The following SCFD2 variants were observed in gnomAD, a reference collection of about 807,000 sequenced individuals.
The protein encoded by SCFD2 is sec1 family domain-containing protein 2.
In SCFD2, 54 loss-of-function variants were observed where a neutral mutation model predicts 58.9. That is an observed-to-expected ratio of 0.92 (90% CI 0.74 to 1.15). The LOEUF (loss-of-function observed/expected upper bound fraction) is 1.15. Among genes scored for constraint, SCFD2 ranks in the 50% most tolerant of loss-of-function variants. The pLI, the probability that SCFD2 is intolerant of heterozygous loss-of-function variation, is 0.00. For missense variants in SCFD2, 805 were observed against 836.6 expected (o/e 0.96, Z 0.47); for synonymous variants, 321 against 335.9 (o/e 0.96, Z 0.49).
At chr4:52,901,019 C>T (rs920107337) in intron 7 of SCFD2, among the ~76,000 whole-genome samples, 1 of 152,154 alleles carries the variant, frequency 6.6e-6, no homozygotes, top group Non-Finnish European at 1.5e-5. Flanking sequence ...GGGAGTGACC[C>T]GATTTTCCAG....
chr4:53,151,024 C>G (rs1487563687), intron 4 of SCFD2, among the ~76,000 whole-genome samples: 1 of 152,154 alleles, frequency 6.6e-6, no homozygotes, highest in Admixed American at 6.5e-5. Context: ...ACTACCACGA[C>G]TCCCACCTGC....
intron 5 of SCFD2, among the ~76,000 whole-genome samples, chr4:53,065,969 G>C (rs925289108): frequency 3.3e-5 from 5 of 152,054 alleles, no homozygotes; most frequent in African/African-American, 1.2e-4. Flanking sequence ...TCACTGAACA[G>C]CTCTTATAAG....
At chr4:53,353,348 T>A (rs1320621824) in intron 1 of SCFD2, among the ~76,000 whole-genome samples, 1 of 152,158 alleles carries the variant, frequency 6.6e-6, no homozygotes, top group East Asian at 1.9e-4. Flanking sequence ...ACCTTCACCA[T>A]GAGTGTTACA....
intron 5 of SCFD2, among the ~76,000 whole-genome samples, chr4:53,012,569 T>A (rs952972264): frequency 5.9e-5 from 9 of 152,132 alleles, no homozygotes; most frequent in African/African-American, 2.2e-4. Context: ...CAAAAAAGAA[T>A]ATTCTTTTCT....
intron 5 of SCFD2, among the ~76,000 whole-genome samples, chr4:52,937,524 G>T (rs960813471): frequency 7.2e-5 from 11 of 152,190 alleles, no homozygotes; most frequent in Admixed American, 7.2e-4. Context: ...CACTTCACAT[G>T]ACCATTTTCA....
chr4:52,922,894 T>C (rs1158038783), intron 5 of SCFD2, among the ~76,000 whole-genome samples: 7 of 152,222 alleles, frequency 4.6e-5, no homozygotes, highest in Non-Finnish European at 8.8e-5. Context: ...TTCTTAATTA[T>C]AGCTATCCTA....
chr4:53,287,103 C>T lies in SCFD2; in HGVS notation c.1136-13102G>A, dbSNP rs149374176. On this transcript the variant is annotated intron_variant, in intron 3 of 8. Transcript: ENST00000401642. Reference sequence around the variant, plus strand: ...AGAGTCACAGACATAAACCTGTCCCCGGGTCTAAGCTACTAGGGAGTGCCT... The same window carrying T: ...AGAGTCACAGACATAAACCTGTCCCTGGGTCTAAGCTACTAGGGAGTGCCT... Among the ~76,000 whole-genome samples the T allele has an allele frequency of 1.9e-4, 29 of 152,258 alleles. No individual in the cohort carries two copies. The East Asian group carries it at 4.8e-3, about 25-fold the overall frequency.
At chr4:53,071,785 T>C (rs1489336615) in intron 5 of SCFD2, among the ~76,000 whole-genome samples, 1 of 152,054 alleles carries the variant, frequency 6.6e-6, no homozygotes, top group Non-Finnish European at 1.5e-5. Flanking sequence ...GAAAGGCAAA[T>C]GTATGCGACT....
intron 5 of SCFD2, among the ~76,000 whole-genome samples, chr4:52,933,754 G>C (rs1720058813): frequency 1.3e-5 from 2 of 152,148 alleles, no homozygotes; most frequent in Non-Finnish European, 2.9e-5. Flanking sequence ...AATTTCTTTT[G>C]GGCCCTGCTT....
At chr4:53,328,488 T>G (rs1733290152) in intron 2 of SCFD2, among the ~76,000 whole-genome samples, 1 of 152,110 alleles carries the variant, frequency 6.6e-6, no homozygotes, top group Non-Finnish European at 1.5e-5. Flanking sequence ...TGACCAAATA[T>G]GGGACAATAT....
At chr4:53,320,836 A>G (rs1190053867) in intron 2 of SCFD2, among the ~76,000 whole-genome samples, 1 of 152,248 alleles carries the variant, frequency 6.6e-6, no homozygotes, top group Non-Finnish European at 1.5e-5. Flanking sequence ...CTTGTGGAAT[A>G]TAAATTAAAC....
intron 2 of SCFD2, among the ~76,000 whole-genome samples, chr4:53,339,279 T>C (rs1033352069): frequency 6.6e-6 from 1 of 151,618 alleles, no homozygotes; most frequent in African/African-American, 2.4e-5. Context: ...ACTCAAACAG[T>C]TAAAATTACA....
rs1718724354 is a variant in SCFD2 at position 52,885,784 on chromosome 4, A to T, written c.1925T>A (p.Val642Asp). Reference sequence around the variant, plus strand: ...CTTCAACGATGCCACAAGATCTTTGACCATTTTCACTTCAGAGACTGTGAC... The same window carrying T: ...CTTCAACGATGCCACAAGATCTTTGTCCATTTTCACTTCAGAGACTGTGAC... ...GGVTVSEVKMVKDLVASLKPG... is the reference protein window; with the variant it reads ...GGVTVSEVKMDKDLVASLKPG... The change falls in exon 8 of 9, where the codon GTC becomes GAC. Residue 642 changes from valine (V) to aspartate (D), a missense_variant. This residue lies in a region of SCFD2 where 633 missense variants were observed against 646.8 expected (regional missense o/e 0.98). Coordinates refer to ENST00000401642, the MANE Select transcript of SCFD2 (RefSeq NM_152540.4). 2 of 1,614,078 alleles carry T rather than the reference A, an allele frequency of 1.2e-6. No individual in the cohort carries two copies. Among genetic ancestry groups the T allele is most frequent in the Admixed American group, 3.3e-5 (2 of 60,024 alleles).
At chr4:53,264,944 TTA>T (rs1237732510) in intron 4 of SCFD2, among the ~76,000 whole-genome samples, 3 of 152,182 alleles carry the variant, frequency 2.0e-5, no homozygotes, top group Non-Finnish European at 4.4e-5. Context: ...TATAACTCAT[TTA>T]TATTTTATTA....
At chr4:53,261,898 G>T (rs1406632019) in intron 4 of SCFD2, among the ~76,000 whole-genome samples, 1 of 152,088 alleles carries the variant, frequency 6.6e-6, no homozygotes, top group African/African-American at 2.4e-5. Context: ...AAATTTGGGA[G>T]CTCCAGTGTT....
intron 4 of SCFD2, among the ~76,000 whole-genome samples, chr4:53,267,872 G>A (rs1731037833): frequency 6.6e-6 from 1 of 152,144 alleles, no homozygotes; most frequent in Admixed American, 6.5e-5. Flanking sequence ...AATAAAAAAT[G>A]GCTTAGAATT....
intron 4 of SCFD2, among the ~76,000 whole-genome samples, chr4:53,247,535 T>C (rs1362710616): frequency 5.3e-5 from 8 of 152,250 alleles, no homozygotes; most frequent in African/African-American, 1.2e-4. Flanking sequence ...GTGATACATA[T>C]ACACCATGGA....
At chr4:53,326,427 G>C (rs1178537873) in intron 2 of SCFD2, among the ~76,000 whole-genome samples, 3 of 152,128 alleles carry the variant, frequency 2.0e-5, no homozygotes, top group African/African-American at 7.2e-5. Context: ...ACAGGCATGA[G>C]CCACTGTGCC....
At chr4:53,075,288 GC>G (rs1723938283) in intron 5 of SCFD2, among the ~76,000 whole-genome samples, 1 of 152,182 alleles carries the variant, frequency 6.6e-6, no homozygotes, top group Non-Finnish European at 1.5e-5. Flanking sequence ...TCTGGCTTAA[GC>G]TTTGGTCTAA....
Sources: gnomAD v4.1 joint callset for allele counts (sites outside exome capture counted in the v4.1 genomes callset) on GRCh38, gnomAD v4.1.1 for gene constraint, gnomAD v4.1.1 regional missense constraint, MANE v1.5 for transcripts, NCBI Gene and HGNC (gene_info 2026-07-23, HGNC 2026-07-21) for gene names.